Variants in RORA observed in about 807,000 individuals in gnomAD.
RORA encodes the protein RAR related orphan receptor A.
A neutral mutation model predicts 69.5 loss-of-function variants in RORA; 7 were observed. The ratio of observed to expected loss-of-function variants is 0.10; its 90% CI spans 0.06 to 0.19. RORA has a LOEUF of 0.19. Among genes scored for constraint, RORA ranks in the 10% least tolerant of loss-of-function variants. RORA has a pLI of 1.00. For synonymous variants in RORA, 261 were observed against 240.8 expected, an observed-to-expected ratio of 1.08 and a Z score of -0.78; for missense variants, 457 against 663.0, an observed-to-expected ratio of 0.69 and a Z score of 3.41.
intron 2 of RORA, among the ~76,000 whole-genome samples, chr15:60,606,171 A>G (rs2140567334): frequency 6.6e-6 from 1 of 152,368 alleles, no homozygotes; most frequent in Non-Finnish European, 1.5e-5. Flanking sequence ...TCTGACTCAC[A>G]GCAACCTTCA....
At chr15:60,691,982 C>G (rs1343193227) in intron 1 of RORA, among the ~76,000 whole-genome samples, 1 of 152,184 alleles carries the variant, frequency 6.6e-6, no homozygotes, top group Non-Finnish European at 1.5e-5. Context: ...GCTGGCTTCT[C>G]CTACATGGCA....
intron 1 of RORA, among the ~76,000 whole-genome samples, chr15:60,777,624 A>G (rs1166493906): frequency 6.6e-6 from 1 of 152,198 alleles, no homozygotes; most frequent in African/African-American, 2.4e-5. Context: ...TGTGGGCTGC[A>G]GTCCCCAGAT....
intron 1 of RORA, among the ~76,000 whole-genome samples, chr15:61,205,512 T>C (rs1198159625): frequency 6.6e-6 from 1 of 152,166 alleles, no homozygotes; most frequent in African/African-American, 2.4e-5. Flanking sequence ...CTTTGTCTAG[T>C]CAGCCGGAAG....
intron 5 of RORA, among the ~76,000 whole-genome samples, 158 bp from the exon 6 acceptor site, chr15:60,505,787 T>G (rs574497651): frequency 6.6e-6 from 1 of 152,210 alleles, no homozygotes; most frequent in African/African-American, 2.4e-5. Context: ...AACTGTTTTG[T>G]ATTTGGGAAC....
At chr15:60,818,340 A>G (rs1279261671) in intron 1 of RORA, among the ~76,000 whole-genome samples, 1 of 152,214 alleles carries the variant, frequency 6.6e-6, no homozygotes, top group Non-Finnish European at 1.5e-5. Flanking sequence ...AGAGAAGTGA[A>G]GAGGGAAGGA....
At chr15:60,679,543 CAA>C (rs1008333718) in intron 1 of RORA, among the ~76,000 whole-genome samples, 18 of 152,256 alleles carry the variant, frequency 1.2e-4, no homozygotes, top group Admixed American at 1.2e-3. Flanking sequence ...TAAGTAGGCT[CAA>C]AGTCATAAAA....
Position 60,952,801 on chromosome 15 carries a change from C to A in RORA, c.167-274115G>T, listed in dbSNP as rs1199638703. ...TCAAGGAAATAAAAGAGGAGACAAA[C>A]AAATGGAAGAACATTCCATGCTCAT... On this transcript the variant is annotated intron_variant, in intron 1 of 10. Coordinates refer to ENST00000335670, the MANE Select transcript of RORA (RefSeq NM_134261.3). Among the ~76,000 whole-genome samples, 541 of 105,938 alleles carry A rather than the reference C, an allele frequency of 5.1e-3. 5 individuals are homozygous for A. Among genetic ancestry groups the A allele is most frequent in the African/African-American group, 0.018 (512 of 27,736 alleles). The allele number at this position is 105,938 out of a possible 152,430, so 69.5% of individuals were successfully genotyped here.
chr15:60,820,475 A>C (rs923587232), intron 1 of RORA, among the ~76,000 whole-genome samples: 1 of 152,174 alleles, frequency 6.6e-6, no homozygotes, highest in Non-Finnish European at 1.5e-5. Context: ...TTTATGTAAA[A>C]CATAGGAAAA....
chr15:61,206,376 C>A (rs919962977), intron 1 of RORA, among the ~76,000 whole-genome samples: 11 of 152,128 alleles, frequency 7.2e-5, no homozygotes, highest in African/African-American at 2.7e-4. Flanking sequence ...ATTTATTCAT[C>A]AGCTACTTAT....
chr15:61,056,714 G>T (rs1462287766), intron 1 of RORA, among the ~76,000 whole-genome samples: 1 of 152,092 alleles, frequency 6.6e-6, no homozygotes, highest in Non-Finnish European at 1.5e-5. Flanking sequence ...TAAAGGCAAA[G>T]AATGAAAAAA....
At chr15:61,204,434 A>G (rs1325717470) in intron 1 of RORA, among the ~76,000 whole-genome samples, 2 of 152,244 alleles carry the variant, frequency 1.3e-5, no homozygotes, top group Non-Finnish European at 2.9e-5. Flanking sequence ...GGGAAAGCAC[A>G]TGGAGGTGAG....
At chr15:60,552,912 G>A (rs193108813) in intron 2 of RORA, among the ~76,000 whole-genome samples, 1 of 152,298 alleles carries the variant, frequency 6.6e-6, no homozygotes, top group Non-Finnish European at 1.5e-5. Flanking sequence ...CAGATGTCAA[G>A]GAGTGGCTTT....
At chr15:61,003,866 G>A (rs1894824233) in intron 1 of RORA, among the ~76,000 whole-genome samples, 1 of 152,180 alleles carries the variant, frequency 6.6e-6, no homozygotes, top group African/African-American at 2.4e-5. Flanking sequence ...GTGGGAAGCA[G>A]ATGGGAAGGA....
chr15:60,723,156 T>G (rs370486986), intron 1 of RORA, among the ~76,000 whole-genome samples: 10 of 152,292 alleles, frequency 6.6e-5, no homozygotes, highest in African/African-American at 2.4e-4. Context: ...ACATAGGGAC[T>G]CCTTATCCAA....
Position 60,979,730 on chromosome 15 carries a change from A to ATGTG in RORA, c.166+249319_166+249322dup, listed in dbSNP as rs35877636. On this transcript the variant is annotated intron_variant, in intron 1 of 10. Coordinates refer to ENST00000335670, the MANE Select transcript of RORA (RefSeq NM_134261.3). ...TAACTCTAATAATGTGTGTGTATGT[A>ATGTG]TGTGTGTGTGTGTGTGTGCACGTGT... Among the ~76,000 whole-genome samples, 277 of 149,700 alleles carry ATGTG rather than the reference A, an allele frequency of 1.9e-3. 4 individuals are homozygous for ATGTG. The highest frequency in any genetic ancestry group is 8.5e-3 in the South Asian group (40 of 4,730).
intron 1 of RORA, among the ~76,000 whole-genome samples, chr15:61,165,890 T>C (rs1486103681): frequency 2.6e-5 from 4 of 152,164 alleles, no homozygotes; most frequent in South Asian, 4.1e-4. Flanking sequence ...CTACTATCTG[T>C]GGTTTATAGA....
In RORA at chr15:60,644,113, A is replaced by G. The variant is rs138556724; in HGVS notation, c.196+34544T>C. Among the ~76,000 whole-genome samples the G allele has an allele frequency of 1.7e-3, 265 of 152,336 alleles. 1 individual carries two copies. Among genetic ancestry groups the G allele is most frequent in the African/African-American group, 5.9e-3 (247 of 41,570 alleles). Reference sequence around the variant, plus strand: ...TTGAAAAAGACTTGAGGAGGGGACTAATTTGAGAAAATTCCTTAAAGCTCT... The same window carrying G: ...TTGAAAAAGACTTGAGGAGGGGACTGATTTGAGAAAATTCCTTAAAGCTCT... On this transcript the variant is annotated intron_variant, in intron 2 of 10. Coordinates refer to ENST00000335670, the MANE Select transcript of RORA (RefSeq NM_134261.3).
At chr15:60,808,450 T>A (rs569631064) in intron 1 of RORA, among the ~76,000 whole-genome samples, 10 of 152,228 alleles carry the variant, frequency 6.6e-5, no homozygotes, top group African/African-American at 2.4e-4. Flanking sequence ...GGAACACTTT[T>A]ACAGTGCTGG....
chr15:60,615,493 C>T (rs1465829373), intron 2 of RORA, among the ~76,000 whole-genome samples: 1 of 152,144 alleles, frequency 6.6e-6, no homozygotes, highest in African/African-American at 2.4e-5. Context: ...AAGCAGGTAA[C>T]TCTGTACCGG....
Sources: gnomAD v4.1 joint callset for allele counts (sites outside exome capture counted in the v4.1 genomes callset) on GRCh38, gnomAD v4.1.1 for gene constraint, MANE v1.5 for transcripts, NCBI Gene and HGNC (gene_info 2026-07-23, HGNC 2026-07-21) for gene names.